TAMM41: variants seen among roughly 807,000 people sequenced by gnomAD.
The protein encoded by TAMM41 is TAM41 mitochondrial translocator assembly and maintenance homolog, also known as phosphatidate cytidylyltransferase, mitochondrial.
TAMM41 carries 36 observed loss-of-function variants against 44.1 expected under a neutral mutation model. The ratio of observed to expected loss-of-function variants is 0.82; its 90% CI spans 0.63 to 1.08. The LOEUF (loss-of-function observed/expected upper bound fraction) is 1.08. TAMM41 is among the 50% of genes least tolerant of loss of function. The pLI, the probability that TAMM41 is intolerant of heterozygous loss-of-function variation, is 0.00. For synonymous variants in TAMM41, 164 were observed against 153.1 expected (o/e 1.07, Z -0.53); for missense variants, 417 against 404.3 (o/e 1.03, Z -0.27).
At chr3:11,801,499 A>AT (rs1259133388) in intron 7 of TAMM41, among the ~76,000 whole-genome samples, 2 of 152,014 alleles carry the variant, frequency 1.3e-5, no homozygotes, top group African/African-American at 2.4e-5. Flanking sequence ...TGCACAGCTA[A>AT]TTTTTTTGTA....
chr3:11,814,822 G>A (rs1004263975), intron 5 of TAMM41, among the ~76,000 whole-genome samples: 2 of 152,130 alleles, frequency 1.3e-5, no homozygotes, highest in South Asian at 2.1e-4. Flanking sequence ...CCAGCCAGGC[G>A]TGGTGGCGCG....
At chr3:11,804,407 A>G (rs913597205) in intron 7 of TAMM41, among the ~76,000 whole-genome samples, 1 of 152,176 alleles carries the variant, frequency 6.6e-6, no homozygotes, top group Admixed American at 6.5e-5. Flanking sequence ...GCCCTCTGCC[A>G]TGTTTTATTT....
intron 4 of TAMM41, among the ~76,000 whole-genome samples, chr3:11,818,314 A>G (rs542694719): frequency 4.6e-5 from 7 of 152,208 alleles, no homozygotes; most frequent in Non-Finnish European, 1.0e-4. Context: ...AGGGATCGCT[A>G]TAAATAATCA....
the TAMM41 span, among the ~76,000 whole-genome samples, chr3:11,771,004 G>A: frequency 2.6e-5 from 4 of 151,952 alleles, no homozygotes; most frequent in African/African-American, 9.7e-5. Flanking sequence ...GCCCTGAGGC[G>A]GGCAGCTGGT....
the TAMM41 span, among the ~76,000 whole-genome samples, chr3:11,750,386 G>A: frequency 4.6e-5 from 7 of 151,870 alleles, no homozygotes; most frequent in Non-Finnish European, 7.4e-5. Flanking sequence ...CTCACTGACT[G>A]TAGCCTCGAA....
chr3:11,773,925 C>A, the TAMM41 span, among the ~76,000 whole-genome samples: 8 of 152,084 alleles, frequency 5.3e-5, no homozygotes, highest in African/African-American at 1.9e-4. Context: ...CTCGTCTCTA[C>A]TAAAAATACA....
chr3:11,827,217 T>C (rs2078788141), intron 4 of TAMM41, among the ~76,000 whole-genome samples: 1 of 152,220 alleles, frequency 6.6e-6, no homozygotes, highest in Non-Finnish European at 1.5e-5. Flanking sequence ...GGTGACTCTT[T>C]AAAATGCATT....
In TAMM41 at chr3:11,817,314, C is replaced by T; in HGVS notation, c.586G>A (p.Glu196Lys). Residue 196 changes from glutamate (E) to lysine (K), a missense_variant, in exon 5 of 8, where the codon GAA becomes AAA. By Grantham distance (56) the Glu-to-Lys change is moderately conservative (BLOSUM62 1). Transcript: ENST00000455809. ...ATATTCAACACTTTTGTTTTATCTT[C>T]TCCAACCACCATCCGAAAGTCACCT... ...YSGDFRMVVG[E>K]DKTKVLNIVK... 1 of 1,609,504 alleles carries T rather than the reference C, an allele frequency of 6.2e-7. No individual in the cohort carries two copies. Among genetic ancestry groups the T allele is most frequent in the African/African-American group, 1.3e-5 (1 of 74,962 alleles).
At chr3:11,765,506 G>A in the TAMM41 span, among the ~76,000 whole-genome samples, 1 of 152,064 alleles carries the variant, frequency 6.6e-6, no homozygotes, top group Non-Finnish European at 1.5e-5. Flanking sequence ...CGTAAAGACA[G>A]GATTCAACAC....
intron 4 of TAMM41, among the ~76,000 whole-genome samples, chr3:11,820,852 T>TA (rs772234316): frequency 8.5e-5 from 13 of 152,226 alleles, no homozygotes; most frequent in Non-Finnish European, 1.8e-4. Context: ...CTTGAAATGA[T>TA]ACAAACTCCA....
chr3:11,731,136 A>G, the TAMM41 span, among the ~76,000 whole-genome samples: 3 of 152,244 alleles, frequency 2.0e-5, no homozygotes, highest in Non-Finnish European at 4.4e-5. Context: ...TGGATTACCC[A>G]GCAAGCAGGC....
the TAMM41 span, among the ~76,000 whole-genome samples, chr3:11,782,388 A>C: frequency 6.6e-6 from 1 of 152,020 alleles, no homozygotes; most frequent in Non-Finnish European, 1.5e-5. Context: ...TCTACTAAAA[A>C]CACAAAAAAT....
chr3:11,772,690 G>T, the TAMM41 span, among the ~76,000 whole-genome samples: 1 of 152,108 alleles, frequency 6.6e-6, no homozygotes, highest in Non-Finnish European at 1.5e-5. Context: ...ACCCAGTAAA[G>T]GGATTGGAGT....
the TAMM41 span, among the ~76,000 whole-genome samples, chr3:11,751,047 G>A: frequency 4.6e-5 from 7 of 151,710 alleles, no homozygotes; most frequent in Admixed American, 2.0e-4. Context: ...CACAATGCCC[G>A]GAGGAAGAGG....
At chr3:11,795,108 C>G (rs1013226547) in intron 7 of TAMM41, among the ~76,000 whole-genome samples, 1 of 152,204 alleles carries the variant, frequency 6.6e-6, no homozygotes, top group East Asian at 1.9e-4. Context: ...ACTGTGTTCC[C>G]GGAAAAGGCT....
At chr3:11,824,778 C>T (rs2078673764) in intron 4 of TAMM41, among the ~76,000 whole-genome samples, 1 of 152,160 alleles carries the variant, frequency 6.6e-6, no homozygotes, top group Non-Finnish European at 1.5e-5. Flanking sequence ...CAATTCCTTC[C>T]CTCCACATCC....
intron 7 of TAMM41, among the ~76,000 whole-genome samples, chr3:11,800,208 A>G (rs1481730291): frequency 1.3e-5 from 2 of 152,220 alleles, no homozygotes; most frequent in African/African-American, 4.8e-5. Flanking sequence ...ATCAAATTAC[A>G]GAATTTCATC....
At chr3:11,790,797 T>A (rs2077460926) in intron 7 of TAMM41, among the ~76,000 whole-genome samples, 1 of 152,260 alleles carries the variant, frequency 6.6e-6, no homozygotes, top group African/African-American at 2.4e-5. Flanking sequence ...TTTAGGGCTA[T>A]GGATGCCAAC....
At chr3:11,730,005 C>T in the TAMM41 span, among the ~76,000 whole-genome samples, 4 of 152,164 alleles carry the variant, frequency 2.6e-5, no homozygotes, top group Non-Finnish European at 5.9e-5. Context: ...GGATGCAAAC[C>T]AGCTGGTCCT....
Sources: allele counts gnomAD v4.1 joint callset (sites outside exome capture counted in the v4.1 genomes callset), GRCh38; gene constraint gnomAD v4.1.1; transcripts MANE v1.5; gene names NCBI Gene and HGNC (gene_info 2026-07-23, HGNC 2026-07-21).